DDA1: variants seen among roughly 807,000 people sequenced by gnomAD.
The protein encoded by DDA1 is DET1- and DDB1-associated protein 1.
DDA1 carries 3 observed loss-of-function variants against 18.6 expected under a neutral mutation model. That is an observed-to-expected ratio of 0.16 (90% CI 0.07 to 0.42). The LOEUF (loss-of-function observed/expected upper bound fraction) is 0.42. Among genes scored for constraint, DDA1 ranks in the 10% least tolerant of loss-of-function variants. DDA1 has a pLI of 0.99. For missense variants in DDA1, 105 were observed against 138.2 expected, an observed-to-expected ratio of 0.76 and a Z score of 1.20; for synonymous variants, 52 against 54.0, an observed-to-expected ratio of 0.96 and a Z score of 0.17.
At chr19:17,318,975 C>G (rs1302036741) in intron 4 of DDA1, among the ~76,000 whole-genome samples, 1 of 152,118 alleles carries the variant, frequency 6.6e-6, no homozygotes, top group Non-Finnish European at 1.5e-5. Flanking sequence ...CTTCTCCTGC[C>G]CCCCAGGACT....
At chr19:17,311,106 G>C (rs2074176634) in intron 1 of DDA1, among the ~76,000 whole-genome samples, 1 of 151,962 alleles carries the variant, frequency 6.6e-6, no homozygotes, top group African/African-American at 2.4e-5. Flanking sequence ...TCCTGCCTCA[G>C]CCTCCCAAAG....
At chr19:17,310,625 G>C (rs1489328562) in intron 1 of DDA1, among the ~76,000 whole-genome samples, 1 of 152,194 alleles carries the variant, frequency 6.6e-6, no homozygotes, top group Non-Finnish European at 1.5e-5. Flanking sequence ...CAGAGTCCCA[G>C]CCCACAATCC....
rs2074231057 is a variant in DDA1 at position 17,319,747 on chromosome 19, C to T, written c.*91C>T. 2 of 1,166,136 alleles carry T rather than the reference C, an allele frequency of 1.7e-6. No homozygotes were observed. Among genetic ancestry groups the T allele is most frequent in the Non-Finnish European group, 1.2e-6 (1 of 816,322 alleles). The allele number at this position is 1,166,136 out of a possible 1,614,324, so 72.2% of individuals were successfully genotyped here. On this transcript the variant is annotated 3_prime_UTR_variant, in exon 5 of 5. Transcript: ENST00000359866. ...ATGTGTAAGCACCCCGCCCGCCCGCCTCCCTGCCGGCCCATCCACACCCTG... is the reference window on the plus strand; with the variant it reads ...ATGTGTAAGCACCCCGCCCGCCCGCTTCCCTGCCGGCCCATCCACACCCTG...
chr19:17,317,215 A>T (rs1264114784), intron 4 of DDA1, among the ~76,000 whole-genome samples: 1 of 151,870 alleles, frequency 6.6e-6, no homozygotes, highest in Non-Finnish European at 1.5e-5. Flanking sequence ...GTCTCAAGAA[A>T]AAAAGAAATC....
rs2145680260 is a variant in DDA1 at position 17,321,697 on chromosome 19, A to C, written c.*2041A>C. The C allele has an allele frequency of 6.6e-6, 1 of 152,308 alleles. No individual in the cohort carries two copies. The highest frequency in any genetic ancestry group is 1.5e-5 in the Non-Finnish European group (1 of 68,086). The allele number at this position is 152,308 out of a possible 1,614,324, so 9.4% of individuals were successfully genotyped here. On this transcript the variant is annotated 3_prime_UTR_variant, in exon 5 of 5. Coordinates refer to ENST00000359866, the MANE Select transcript of DDA1 (RefSeq NM_024050.6). ...CTGTGGAGGGCCCTGCCTGTGTCAGACCCTCGGGCCTAGGCGGCCCATCTC... is the reference window on the plus strand; with the variant it reads ...CTGTGGAGGGCCCTGCCTGTGTCAGCCCCTCGGGCCTAGGCGGCCCATCTC...
Position 17,314,923 on chromosome 19 carries a change from C to T in DDA1, c.136+534C>T, listed in dbSNP as rs1475032770. Among the ~76,000 whole-genome samples the T allele has an allele frequency of 5.3e-5, 8 of 151,892 alleles. No homozygotes were observed. Among genetic ancestry groups the T allele is most frequent in the Admixed American group, 1.3e-4 (2 of 15,256 alleles). On this transcript the variant is annotated intron_variant, in intron 3 of 4. Coordinates refer to ENST00000359866, the MANE Select transcript of DDA1 (RefSeq NM_024050.6). This position sits in a 1 kb window ranked among gnomAD's most constrained non-coding sequence, Gnocchi z 4.6. ...CACAGCACAGGAGGACTTGGTCTTG[C>T]TGTCTTAGTTTAACTGTTCAAAAAG...
At chr19:17,317,325 C>G (rs377766107) in intron 4 of DDA1, among the ~76,000 whole-genome samples, 8 of 151,986 alleles carry the variant, frequency 5.3e-5, no homozygotes, top group African/African-American at 1.9e-4. Flanking sequence ...CTGGCTAACA[C>G]GGTGAAACCC....
chr19:17,319,711 G>C lies in DDA1; in HGVS notation c.*55G>C, dbSNP rs144057498. ...AGGTCTGCTCCTCGGTCGCCCACCC[G>C]CCTGCCCGCCATGTGTAAGCACCCC... On this transcript the variant is annotated 3_prime_UTR_variant, in exon 5 of 5. Transcript: ENST00000359866. 5 of 1,497,888 alleles carry C rather than the reference G, an allele frequency of 3.3e-6. No individual in the cohort carries two copies. Among genetic ancestry groups the C allele is most frequent in the Non-Finnish European group, 3.6e-6 (4 of 1,105,054 alleles). The allele number at this position is 1,497,888 out of a possible 1,614,324, so 92.8% of individuals were successfully genotyped here.
chr19:17,315,921 C>G lies in DDA1; in HGVS notation c.137-13C>G, dbSNP rs1256758096. The G allele has an allele frequency of 6.2e-7, 1 of 1,613,904 alleles. No individual in the cohort carries two copies. Among genetic ancestry groups the G allele is most frequent in the Non-Finnish European group, 8.5e-7 (1 of 1,179,936 alleles). ...GGGAGGCGTCTGCGACTTTCTCTAT[C>G]TTTCCTCCTTAGTCATCGTGACAGA... On this transcript the variant is annotated splice_polypyrimidine_tract_variant and intron_variant, in intron 3 of 4. Transcript: ENST00000359866.
In DDA1 at chr19:17,320,160, G is replaced by GCCATGC. The variant is rs1568355496; in HGVS notation, c.*506_*507insATGCCC. On this transcript the variant is annotated 3_prime_UTR_variant, in exon 5 of 5. Coordinates refer to ENST00000359866, the MANE Select transcript of DDA1 (RefSeq NM_024050.6). ...CACGCTTCGCCCGGAACTTTCCCAT[G>GCCATGC]CCCAGGCCTCACTCAGCGTGCACGC... is the stretch of plus-strand genomic sequence containing the variant. 6.5e-6 allele frequency: 1 copy of GCCATGC among 153,736 alleles called. No individual in the cohort carries two copies. Among genetic ancestry groups the GCCATGC allele is most frequent in the Non-Finnish European group, 1.4e-5 (1 of 69,038 alleles). 9.5% of individuals were successfully genotyped at this position (153,736 alleles called of 1,614,324 possible). A position where few individuals can be genotyped will look rare whatever the true frequency, so the allele number is the denominator to read the frequency against.
At chr19:17,313,826 G>T (rs2074190314) in intron 1 of DDA1, among the ~76,000 whole-genome samples, 197 bp from the exon 2 acceptor site, 1 of 152,150 alleles carries the variant, frequency 6.6e-6, no homozygotes, top group Admixed American at 6.5e-5. Context: ...TCCCGTGGGG[G>T]ATGTGCACAT....
At chr19:17,309,798 T>C (rs2074170110) in intron 1 of DDA1, 141 bp downstream of exon 1, 2 of 1,132,710 alleles carry the variant, frequency 1.8e-6, no homozygotes, top group Non-Finnish European at 2.5e-6. Flanking sequence ...CACTCACCTG[T>C]GACCTTCGAC....
At chr19:17,310,835 G>T (rs1358967458) in intron 1 of DDA1, among the ~76,000 whole-genome samples, 1 of 152,120 alleles carries the variant, frequency 6.6e-6, no homozygotes, top group Non-Finnish European at 1.5e-5. Context: ...ATGGCTTCAT[G>T]CCCTGTTGCA....
chr19:17,315,388 TAC>T (rs2074206808), intron 3 of DDA1, among the ~76,000 whole-genome samples: 1 of 97,720 alleles, frequency 1.0e-5, no homozygotes, highest in Non-Finnish European at 2.2e-5. Context: ...CGTATATATA[TAC>T]ACACTATATA....
In DDA1 at chr19:17,317,491, T is replaced by G. The variant is rs145672487; in HGVS notation, c.198+1496T>G. On this transcript the variant is annotated intron_variant, in intron 4 of 4. Transcript: ENST00000359866. ...GAAATTGCACCACTGCACTCCAGCCTGGGCGACAGAGCTAGACTCCATCTC... is the reference window on the plus strand; with the variant it reads ...GAAATTGCACCACTGCACTCCAGCCGGGGCGACAGAGCTAGACTCCATCTC... Among the ~76,000 whole-genome samples, 909 of 152,008 alleles carry G rather than the reference T, an allele frequency of 6.0e-3. 6 individuals carry two copies. Among genetic ancestry groups the G allele is most frequent in the Middle Eastern group, 0.024 (7 of 294 alleles).
chr19:17,320,941 C>T lies in DDA1; in HGVS notation c.*1285C>T, dbSNP rs1038274947. ...ACCGCTTCTCCCCTTATTGCCCCCACTGGTGGTGGTGGGGATCTCAGTTTT... is the reference window on the plus strand; with the variant it reads ...ACCGCTTCTCCCCTTATTGCCCCCATTGGTGGTGGTGGGGATCTCAGTTTT... On this transcript the variant is annotated 3_prime_UTR_variant, in exon 5 of 5. Coordinates refer to ENST00000359866, the MANE Select transcript of DDA1 (RefSeq NM_024050.6). 3 of 152,364 alleles carry T rather than the reference C, an allele frequency of 2.0e-5. No individual in the cohort carries two copies. Among genetic ancestry groups the T allele is most frequent in the African/African-American group, 7.2e-5 (3 of 41,454 alleles). The allele number at this position is 152,364 out of a possible 1,614,324, so 9.4% of individuals were successfully genotyped here. A position where few individuals can be genotyped will look rare whatever the true frequency, so the allele number is the denominator to read the frequency against.
At chr19:17,316,884 A>C (rs2074216007) in intron 4 of DDA1, among the ~76,000 whole-genome samples, 1 of 151,660 alleles carries the variant, frequency 6.6e-6, no homozygotes, top group Non-Finnish European at 1.5e-5. Flanking sequence ...TCTCAAAAAA[A>C]ACAAAAAAAA....
intron 4 of DDA1, among the ~76,000 whole-genome samples, chr19:17,316,685 T>G (rs1024313000): frequency 1.3e-5 from 2 of 150,442 alleles, no homozygotes; most frequent in East Asian, 4.0e-4. Context: ...CCATCCTGGC[T>G]AACATAGTAA....
intron 4 of DDA1, among the ~76,000 whole-genome samples, chr19:17,316,317 C>T (rs1348035896): frequency 6.6e-6 from 1 of 152,234 alleles, no homozygotes; most frequent in Non-Finnish European, 1.5e-5. Context: ...TGTGGTGACG[C>T]ATGCCTGTAG....
Sources: gnomAD v4.1 joint callset for allele counts (sites outside exome capture counted in the v4.1 genomes callset) on GRCh38, gnomAD v4.1.1 for gene constraint, Gnocchi (gnomAD v3.1) non-coding constraint, MANE v1.5 for transcripts, NCBI Gene and HGNC (gene_info 2026-07-23, HGNC 2026-07-21) for gene names.